Variants in CNTNAP2 observed in about 807,000 individuals in gnomAD.
CNTNAP2 encodes the protein contactin associated protein 2, also known as contactin-associated protein-like 2.
A neutral mutation model predicts 155.2 loss-of-function variants in CNTNAP2; 98 were observed. The observed-to-expected ratio is 0.63, with a 90% CI of 0.54 to 0.75. The LOEUF (loss-of-function observed/expected upper bound fraction) is 0.75, where lower values mean the gene tolerates loss of function less well. Among genes scored for constraint, CNTNAP2 ranks in the 30% least tolerant of loss-of-function variants. The probability of loss-of-function intolerance (pLI) is 0.00; values close to 1 mark genes in which losing one functional copy is unlikely to be tolerated. For missense variants in CNTNAP2, 1,727 were observed against 1,688.1 expected, an observed-to-expected ratio of 1.02 and a Z score of -0.40; for synonymous variants, 651 against 631.2, an observed-to-expected ratio of 1.03 and a Z score of -0.47.
chr7:146,396,721 G>GTA (rs1016221871), intron 1 of CNTNAP2, among the ~76,000 whole-genome samples: 8 of 150,050 alleles, frequency 5.3e-5, no homozygotes, highest in Non-Finnish European at 1.0e-4. Flanking sequence ...ATATATATGT[G>GTA]TATATATATG....
chr7:147,165,028 A>G (rs980245213), intron 8 of CNTNAP2, among the ~76,000 whole-genome samples: 2 of 152,230 alleles, frequency 1.3e-5, no homozygotes, highest in Non-Finnish European at 2.9e-5. Flanking sequence ...AAGGAAATCT[A>G]TTGAGTTGGA....
chr7:147,674,040 A>G (rs953025809), intron 13 of CNTNAP2, among the ~76,000 whole-genome samples: 4 of 152,162 alleles, frequency 2.6e-5, no homozygotes, highest in African/African-American at 9.7e-5. Flanking sequence ...GGAGAGGTGT[A>G]ATAAACAAGA....
Position 146,483,302 on chromosome 7 carries a change from T to C in CNTNAP2, c.98-290969T>C, listed in dbSNP as rs191322406. Among the ~76,000 whole-genome samples, 34 of 74,292 alleles carry C rather than the reference T, an allele frequency of 4.6e-4. 2 individuals are homozygous for C. The highest frequency in any genetic ancestry group is 2.2e-3 in the African/African-American group (24 of 11,112). The allele number at this position is 74,292 out of a possible 152,430, so 48.7% of individuals were successfully genotyped here. On this transcript the variant is annotated intron_variant, in intron 1 of 23. Coordinates refer to ENST00000361727, the MANE Select transcript of CNTNAP2 (RefSeq NM_014141.6). ...AAAAAAATATATATATATATATATATATATATATATATATATATATATATA... is the reference window on the plus strand; with the variant it reads ...AAAAAAATATATATATATATATATACATATATATATATATATATATATATA...
intron 9 of CNTNAP2, among the ~76,000 whole-genome samples, chr7:147,392,300 C>A (rs558619122): frequency 6.9e-6 from 1 of 145,338 alleles, no homozygotes; most frequent in Non-Finnish European, 1.5e-5. Flanking sequence ...TAATTCTCTG[C>A]CAGTATCAAA....
At position 146,815,771 on chromosome 7, in the gene CNTNAP2, TTA is replaced by T. The variant is rs1563243087; in HGVS notation, c.209-23938_209-23937del. 2.0e-5 allele frequency among the ~76,000 whole-genome samples: 3 copies of T among 151,984 alleles called. No homozygotes were observed. The East Asian group carries it at 5.8e-4, about 29-fold the overall frequency. On this transcript the variant is annotated intron_variant, in intron 2 of 23. Coordinates refer to ENST00000361727, the MANE Select transcript of CNTNAP2 (RefSeq NM_014141.6). ...GTAAAGGATATAGAGCACTTTTTTT[TTA>T]TTATACTTTAAGTTCTAGGGTAGAT...
intron 15 of CNTNAP2, among the ~76,000 whole-genome samples, chr7:148,072,584 G>A (rs1803401191): frequency 6.6e-6 from 1 of 152,156 alleles, no homozygotes; most frequent in African/African-American, 2.4e-5. Flanking sequence ...ACAAAAACAG[G>A]CAGCAGGCCA....
At chr7:146,994,912 G>T (rs756683954) in intron 3 of CNTNAP2, among the ~76,000 whole-genome samples, 6 of 151,790 alleles carry the variant, frequency 4.0e-5, no homozygotes, top group Non-Finnish European at 8.8e-5. Flanking sequence ...ATTATCTATG[G>T]TTGCCATACT....
chr7:146,894,928 G>A (rs1003312862), intron 3 of CNTNAP2, among the ~76,000 whole-genome samples: 1 of 152,078 alleles, frequency 6.6e-6, no homozygotes, highest in African/African-American at 2.4e-5. Flanking sequence ...CAGCCTCAAT[G>A]CTGGCCTTCA....
chr7:147,193,451 C>T (rs1802721173), intron 8 of CNTNAP2, among the ~76,000 whole-genome samples: 1 of 152,144 alleles, frequency 6.6e-6, no homozygotes, highest in South Asian at 2.1e-4. Flanking sequence ...GTGCACTAGG[C>T]TAAGCCCTGG....
chr7:146,217,852 T>C (rs1246203098), intron 1 of CNTNAP2, among the ~76,000 whole-genome samples: 1 of 152,140 alleles, frequency 6.6e-6, no homozygotes, highest in Non-Finnish European at 1.5e-5. Context: ...TATTCGGTGG[T>C]AACACTTAAG....
chr7:147,667,340 C>T (rs895731068), intron 13 of CNTNAP2, among the ~76,000 whole-genome samples: 2 of 152,072 alleles, frequency 1.3e-5, no homozygotes, highest in African/African-American at 4.8e-5. Context: ...CACTATTATC[C>T]CTAAGGGGGC....
At chr7:147,272,103 G>C (rs1804766158) in intron 8 of CNTNAP2, among the ~76,000 whole-genome samples, 1 of 152,094 alleles carries the variant, frequency 6.6e-6, no homozygotes, top group South Asian at 2.1e-4. Flanking sequence ...ATGTTGGCCA[G>C]GCTGCTCTCG....
At chr7:147,520,340 T>C (rs1799210198) in intron 11 of CNTNAP2, among the ~76,000 whole-genome samples, 1 of 152,294 alleles carries the variant, frequency 6.6e-6, no homozygotes, top group Non-Finnish European at 1.5e-5. Flanking sequence ...CTGTGCAATA[T>C]CAAATCAAGT....
At chr7:147,833,262 C>T (rs1798583631) in intron 13 of CNTNAP2, among the ~76,000 whole-genome samples, 1 of 151,848 alleles carries the variant, frequency 6.6e-6, no homozygotes, top group Non-Finnish European at 1.5e-5. Flanking sequence ...AAATTAGCGC[C>T]AATCTGGAAG....
At chr7:147,522,517 G>A (rs945290639) in intron 11 of CNTNAP2, among the ~76,000 whole-genome samples, 3 of 151,780 alleles carry the variant, frequency 2.0e-5, no homozygotes, top group Non-Finnish European at 2.9e-5. Flanking sequence ...ACCAAAAGTT[G>A]TAGCAGAGCC....
intron 10 of CNTNAP2, among the ~76,000 whole-genome samples, chr7:147,481,361 T>C (rs1433507219): frequency 6.6e-6 from 1 of 152,192 alleles, no homozygotes; most frequent in East Asian, 1.9e-4. Flanking sequence ...ATTTGCAGCT[T>C]CTTCTATTTG....
chr7:146,331,084 C>T (rs1228166914), intron 1 of CNTNAP2, among the ~76,000 whole-genome samples: 4 of 151,950 alleles, frequency 2.6e-5, no homozygotes, highest in Non-Finnish European at 5.9e-5. Context: ...TCGGGCGGAT[C>T]ACGAGGTCAG....
intron 16 of CNTNAP2, among the ~76,000 whole-genome samples, chr7:148,120,877 G>T (rs1804581603): frequency 6.6e-6 from 1 of 151,958 alleles, no homozygotes; most frequent in African/African-American, 2.4e-5. Context: ...TCTCCATCAG[G>T]GTTCAAAGGA....
At chr7:147,158,633 G>A (rs1331112704) in intron 8 of CNTNAP2, among the ~76,000 whole-genome samples, 1 of 152,046 alleles carries the variant, frequency 6.6e-6, no homozygotes, top group Non-Finnish European at 1.5e-5. Flanking sequence ...AATAAATGTA[G>A]GTGTTTGTGT....
Sources: allele counts gnomAD v4.1 joint callset (sites outside exome capture counted in the v4.1 genomes callset), GRCh38; gene constraint gnomAD v4.1.1; transcripts MANE v1.5; gene names NCBI Gene and HGNC (gene_info 2026-07-23, HGNC 2026-07-21).